Variants in IQGAP1 observed in about 807,000 individuals in gnomAD.
IQGAP1 encodes the protein ras GTPase-activating-like protein IQGAP1.
Under a neutral mutation model 215.6 loss-of-function variants are expected in IQGAP1, and 66 were observed. The observed-to-expected ratio is 0.31, with a 90% CI of 0.25 to 0.38. The LOEUF is 0.38. IQGAP1 is among the 10% of genes least tolerant of loss of function. IQGAP1 has a pLI of 1.00. For missense variants in IQGAP1, 1,712 were observed against 1,997.1 expected (o/e 0.86, Z 2.72); for synonymous variants, 772 against 728.7 (o/e 1.06, Z -0.96).
intron 5 of IQGAP1, among the ~76,000 whole-genome samples, chr15:90,434,721 T>G (rs1016025044): frequency 2.6e-5 from 4 of 152,202 alleles, no homozygotes; most frequent in African/African-American, 7.2e-5. Context: ...GTATTTGCAT[T>G]ATACTTACCA....
chr15:90,473,417 A>T (rs1160805563), intron 19 of IQGAP1: 2 of 419,938 alleles, frequency 4.8e-6, no homozygotes, highest in African/African-American at 4.0e-5. Flanking sequence ...GGAATGCCCC[A>T]TTGTATCTTA....
rs1195545256 is a variant in IQGAP1 at position 90,497,449 on chromosome 15, A to G, written c.4860+109A>G. 4.6e-6 allele frequency: 3 copies of G among 650,702 alleles called. No individual in the cohort carries two copies. In the African/African-American group the frequency reaches 5.5e-5, roughly 12 times the overall value. The allele number at this position is 650,702 out of a possible 1,614,324, so 40.3% of individuals were successfully genotyped here. The stretch of plus-strand genomic sequence containing the variant: ...CTGAGGAAAGCTGTCTACATTCAGC[A>G]GTGAGCTAGGCTCCACACTGCGGGG... On this transcript the variant is annotated intron_variant, in intron 37 of 37. Transcript: ENST00000268182.
chr15:90,437,881 G>A (rs945884716), intron 5 of IQGAP1, among the ~76,000 whole-genome samples: 3 of 152,094 alleles, frequency 2.0e-5, no homozygotes, highest in Non-Finnish European at 4.4e-5. Context: ...TGAGACAGGC[G>A]CTTTATATAT....
chr15:90,495,337 G>A (rs1022324629), intron 36 of IQGAP1, among the ~76,000 whole-genome samples: 1 of 152,052 alleles, frequency 6.6e-6, no homozygotes, highest in Admixed American at 6.6e-5. Flanking sequence ...TCAGCCCTGT[G>A]ACCTCAGGCT....
intron 4 of IQGAP1, chr15:90,431,136 G>T (rs906149213): frequency 2.0e-5 from 3 of 150,814 alleles, no homozygotes; most frequent in Non-Finnish European, 4.4e-5. Flanking sequence ...CAACAGATAT[G>T]CATTGTTGCA....
chr15:90,432,655 A>T (rs1411965676), intron 4 of IQGAP1, among the ~76,000 whole-genome samples: 1 of 152,072 alleles, frequency 6.6e-6, no homozygotes, highest in African/African-American at 2.4e-5. Context: ...CAAACACATC[A>T]TGATTATTTT....
chr15:90,393,385 TATC>T (rs938193422), intron 2 of IQGAP1: 5 of 152,250 alleles, frequency 3.3e-5, no homozygotes, highest in African/African-American at 1.2e-4. Context: ...CTAGATTACT[TATC>T]ATACCTGATC....
intron 1 of IQGAP1, 74 bp downstream of exon 1, chr15:90,388,470 C>A: frequency 8.5e-6 from 10 of 1,183,238 alleles, no homozygotes; most frequent in Non-Finnish European, 1.1e-5. Flanking sequence ...TTCCTGGGGG[C>A]TCGGCCGGGC....
chr15:90,486,875 C>A, intron 31 of IQGAP1, 79 bp from the exon 32 acceptor site: 1 of 1,391,388 alleles, frequency 7.2e-7, no homozygotes, highest in Non-Finnish European at 1.0e-6. Flanking sequence ...AGACTTGCAT[C>A]ATCTTATATT....
At chr15:90,499,188 A>G (rs1966311279) in intron 37 of IQGAP1, among the ~76,000 whole-genome samples, 1 of 152,154 alleles carries the variant, frequency 6.6e-6, no homozygotes, top group Non-Finnish European at 1.5e-5. Context: ...AAGTGAGACC[A>G]CTCAGATTTC....
chr15:90,499,902 G>T, intron 37 of IQGAP1, 93 bp from the exon 38 acceptor site: 1 of 809,802 alleles, frequency 1.2e-6, no homozygotes, highest in South Asian at 1.6e-5. Context: ...AGTCCATCTG[G>T]ATCCCTCCCT....
chr15:90,453,359 T>C lies in IQGAP1; in HGVS notation c.1487+67T>C. The C allele has an allele frequency of 3.2e-6, 4 of 1,242,380 alleles. No homozygotes were observed. The Admixed American group carries it at 9.7e-5, about 30-fold the overall frequency. The allele number at this position is 1,242,380 out of a possible 1,614,324, so 77.0% of individuals were successfully genotyped here. ...GTTAACCCTGTCTTTTGTATGTCAG[T>C]GCTCCGATTTTCTTTGCAGGCATTA... is the stretch of plus-strand genomic sequence containing the variant. On this transcript the variant is annotated intron_variant, in intron 13 of 37. Transcript: ENST00000268182.
chr15:90,418,361 A>C (rs1965082918), intron 2 of IQGAP1, among the ~76,000 whole-genome samples: 1 of 152,058 alleles, frequency 6.6e-6, no homozygotes, highest in Non-Finnish European at 1.5e-5. Context: ...CTGAGGTGGA[A>C]GGATCCCTTG....
In IQGAP1 at chr15:90,494,565, C is replaced by G. The variant is rs200067152; in HGVS notation, c.4629-148C>G. On this transcript the variant is annotated intron_variant, in intron 35 of 37. Transcript: ENST00000268182. The stretch of plus-strand genomic sequence containing the variant: ...TGCAGAGATATTGCTTAGGCTAATT[C>G]TAACATTTGTTTGCCATTTTAGAGT... 1.0e-4 allele frequency: 55 copies of G among 540,818 alleles called. No homozygotes were observed. In the East Asian group the frequency reaches 1.6e-3, roughly 16 times the overall value. 33.5% of individuals were successfully genotyped at this position (540,818 alleles called of 1,614,324 possible). A position where few individuals can be genotyped will look rare whatever the true frequency, so the allele number is the denominator to read the frequency against.
At chr15:90,486,792 G>A (rs2151037221) in intron 31 of IQGAP1, 162 bp from the exon 32 acceptor site, 3 of 677,214 alleles carry the variant, frequency 4.4e-6, no homozygotes, top group South Asian at 3.9e-5. Context: ...TTATCATTTG[G>A]CATAACATTT....
chr15:90,495,242 A>C (rs1260925522), intron 36 of IQGAP1, among the ~76,000 whole-genome samples: 1 of 152,144 alleles, frequency 6.6e-6, no homozygotes, highest in Non-Finnish European at 1.5e-5. Context: ...CTTGCTTTGC[A>C]CGTGGTTCAT....
At chr15:90,448,049 A>T (rs2151021998) in intron 9 of IQGAP1, among the ~76,000 whole-genome samples, 1 of 152,314 alleles carries the variant, frequency 6.6e-6, no homozygotes, top group Non-Finnish European at 1.5e-5. Context: ...AGACATGGTT[A>T]AAGGAAATAA....
rs1452708382 is a variant in IQGAP1 at position 90,473,828 on chromosome 15, G to A, written c.2433+30G>A. Reference sequence around the variant, plus strand: ...GGTAGCCTGAACAGGGTTTCTCCATGAGGGGCACAGGTATAACACGTGTTG... The same window carrying A: ...GGTAGCCTGAACAGGGTTTCTCCATAAGGGGCACAGGTATAACACGTGTTG... On this transcript the variant is annotated intron_variant, in intron 20 of 37. Coordinates refer to ENST00000268182, the MANE Select transcript of IQGAP1 (RefSeq NM_003870.4). 4 of 1,610,766 alleles carry A rather than the reference G, an allele frequency of 2.5e-6. No homozygotes were observed. In the African/African-American group the frequency reaches 5.4e-5, roughly 22 times the overall value.
At position 90,502,071 on chromosome 15, in the gene IQGAP1, C is replaced by G. The variant is rs564011350; in HGVS notation, c.*1963C>G. 1 of 152,654 alleles carries G rather than the reference C, an allele frequency of 6.6e-6. No homozygotes were observed. Among genetic ancestry groups the G allele is most frequent in the Non-Finnish European group, 1.5e-5 (1 of 68,054 alleles). The allele number at this position is 152,654 out of a possible 1,614,324, so 9.5% of individuals were successfully genotyped here. A position where few individuals can be genotyped will look rare whatever the true frequency, so the allele number is the denominator to read the frequency against. On this transcript the variant is annotated 3_prime_UTR_variant, in exon 38 of 38. Transcript: ENST00000268182. The stretch of plus-strand genomic sequence containing the variant: ...AGTTCTCATTACTGTTATTTATTAG[C>G]TGTAGCATTCTCTGTCTCCTCTCTC...
Sources: gnomAD v4.1 joint callset for allele counts (sites outside exome capture counted in the v4.1 genomes callset) on GRCh38, gnomAD v4.1.1 for gene constraint, MANE v1.5 for transcripts, NCBI Gene and HGNC (gene_info 2026-07-23, HGNC 2026-07-21) for gene names.